Variants in ST3GAL4 observed in about 807,000 individuals in gnomAD.
The protein encoded by ST3GAL4 is CMP-N-acetylneuraminate-beta-galactosamide-alpha-2,3-sialyltransferase 4.
Under a neutral mutation model 42.6 loss-of-function variants are expected in ST3GAL4, and 24 were observed. The observed-to-expected ratio is 0.56, with a 90% CI of 0.41 to 0.79. ST3GAL4 has a LOEUF of 0.79. Ranked by LOEUF, ST3GAL4 falls within the 30% of genes least tolerant of loss-of-function variation. The pLI is 0.00. For missense variants in ST3GAL4, 311 were observed against 430.8 expected (o/e 0.72, Z 2.46); for synonymous variants, 135 against 163.2 (o/e 0.83, Z 1.32).
chr11:126,392,958 T>TTC lies in ST3GAL4; in HGVS notation c.-60-13136_-60-13135dup, dbSNP rs1166309065. On this transcript the variant is annotated intron_variant, in intron 1 of 10. Transcript: ENST00000444328. This position sits in a 1 kb window ranked among gnomAD's most constrained non-coding sequence, Gnocchi z 5.8. ...ACATTTGTAACACGACCAACTCCTG[T>TTC]TCTTTTTTTTTTTTTTTTTTGAGAC... Among the ~76,000 whole-genome samples, 2 of 117,934 alleles carry TTC rather than the reference T, an allele frequency of 1.7e-5. No individual in the cohort carries two copies. Among genetic ancestry groups the TTC allele is most frequent in the African/African-American group, 7.4e-5 (2 of 26,926 alleles). The allele number at this position is 117,934 out of a possible 152,430, so 77.4% of individuals were successfully genotyped here.
intron 1 of ST3GAL4, among the ~76,000 whole-genome samples, chr11:126,362,052 T>C (rs1474035128): frequency 2.0e-5 from 3 of 151,500 alleles, no homozygotes; most frequent in Non-Finnish European, 4.4e-5. Flanking sequence ...TGGCTAATTT[T>C]TGTACTTTTA....
chr11:126,388,447 C>T (rs1302345594), intron 1 of ST3GAL4, among the ~76,000 whole-genome samples: 1 of 152,084 alleles, frequency 6.6e-6, no homozygotes, highest in African/African-American at 2.4e-5. Flanking sequence ...TCTTCTGCCT[C>T]AGCCTCCTAA....
At chr11:126,375,250 A>G (rs4601794) in intron 1 of ST3GAL4, 9,531 of 152,328 alleles carry the variant, frequency 0.063, 394 homozygotes, top group East Asian at 0.2. Context: ...CATACTGCAG[A>G]GCTTCCAGAG....
At chr11:126,385,089 A>G (rs1469835094) in intron 1 of ST3GAL4, among the ~76,000 whole-genome samples, 1 of 151,886 alleles carries the variant, frequency 6.6e-6, no homozygotes, top group African/African-American at 2.4e-5. Context: ...GCTGTTATCC[A>G]CATTTAAAAG....
chr11:126,377,331 C>T (rs926925334), intron 1 of ST3GAL4, among the ~76,000 whole-genome samples: 2 of 151,948 alleles, frequency 1.3e-5, no homozygotes, highest in Non-Finnish European at 2.9e-5. Context: ...CCACCACACC[C>T]AGCTAATTTT....
At position 126,363,717 on chromosome 11, in the gene ST3GAL4, G is replaced by A. The variant is rs1350656929; in HGVS notation, c.-61+7875G>A. Among the ~76,000 whole-genome samples the A allele has an allele frequency of 6.6e-6, 1 of 152,162 alleles. No individual in the cohort carries two copies. Among genetic ancestry groups the A allele is most frequent in the Non-Finnish European group, 1.5e-5 (1 of 68,032 alleles). On this transcript the variant is annotated intron_variant, in intron 1 of 10. Transcript: ENST00000444328. This position sits in a 1 kb window ranked among gnomAD's most constrained non-coding sequence, Gnocchi z 4.6. ...GGCTGACTAAGCTTCCCTAGCCTGG[G>A]ACCTGAACCCTCCACCCTCCTCTCT...
intron 1 of ST3GAL4, among the ~76,000 whole-genome samples, chr11:126,395,719 G>C (rs868051501): frequency 1.3e-5 from 2 of 152,146 alleles, no homozygotes; most frequent in Non-Finnish European, 2.9e-5. Flanking sequence ...CTTCTTTCTT[G>C]CCTGCTGCCA....
At chr11:126,407,770 C>A in intron 6 of ST3GAL4, 136 bp downstream of exon 6, 1 of 988,708 alleles carries the variant, frequency 1.0e-6, no homozygotes, top group Non-Finnish European at 1.5e-6. Context: ...TCATGGTAGC[C>A]TAGCCTGGGC....
In ST3GAL4 at chr11:126,408,480, T is replaced by C; in HGVS notation, c.611T>C (p.Leu204Pro). The change falls in exon 8 of 11, where the codon CTG becomes CCG. Residue 204 changes from leucine to proline, a missense_variant. Leu to Pro is a moderately conservative substitution (Grantham distance 98). Transcript: ENST00000444328. ...GACTTCCACTGGATTGAGACCATCCTGAGTGATAAGAAGCGGGTAAGTTGG... is the reference window on the plus strand; with the variant it reads ...GACTTCCACTGGATTGAGACCATCCCGAGTGATAAGAAGCGGGTAAGTTGG... ...AMDFHWIETI[L>P]SDKKRVRKGF... 6.2e-7 allele frequency: 1 copy of C among 1,614,204 alleles called. No homozygotes were observed. The highest frequency in any genetic ancestry group is 8.5e-7 in the Non-Finnish European group (1 of 1,180,026).
Position 126,362,360 on chromosome 11 carries a change from C to T in ST3GAL4, c.-61+6518C>T, listed in dbSNP as rs560563636. Among the ~76,000 whole-genome samples the T allele has an allele frequency of 3.6e-4, 54 of 151,762 alleles. No individual in the cohort carries two copies. In the Middle Eastern group the frequency reaches 0.01, roughly 29 times the overall value. On this transcript the variant is annotated intron_variant, in intron 1 of 10. Coordinates refer to ENST00000444328, the MANE Select transcript of ST3GAL4 (RefSeq NM_001254757.2). ...GATTATAGGTGCCCACCATCACACC[C>T]GGCTAATTTTTGTATTTTTAGTAGA...
rs1252198725 is a variant in ST3GAL4, at chr11:126,373,120, G to T, written c.-61+17278G>T. The stretch of plus-strand genomic sequence containing the variant: ...TGAGTACTGTGCACCCCTGTGCCTG[G>T]CTGAGTAGTGGAGGAACTTTGAAAG... On this transcript the variant is annotated intron_variant, in intron 1 of 10. Coordinates refer to ENST00000444328, the MANE Select transcript of ST3GAL4 (RefSeq NM_001254757.2). The surrounding 1 kb of genome is among the most constrained non-coding windows in gnomAD (Gnocchi z 5.5). Among the ~76,000 whole-genome samples the T allele has an allele frequency of 6.6e-6, 1 of 152,222 alleles. No individual in the cohort carries two copies. Among genetic ancestry groups the T allele is most frequent in the East Asian group, 1.9e-4 (1 of 5,204 alleles).
At chr11:126,362,193 CT>C (rs763280766) in intron 1 of ST3GAL4, among the ~76,000 whole-genome samples, 2,125 of 119,054 alleles carry the variant, frequency 0.018, 54 homozygotes, top group African/African-American at 0.061. Flanking sequence ...ACATTTCTTC[CT>C]TTTTTTTTTT....
chr11:126,406,706 T>G lies in ST3GAL4; in HGVS notation c.101+149T>G. ...CCTTCAGCTGCTGGTACGGAGTGTT[T>G]CCATGAGGGTGGGTGGGGGTAGGGC... On this transcript the variant is annotated intron_variant, in intron 3 of 10. Transcript: ENST00000444328. This position sits in a 1 kb window ranked among gnomAD's most constrained non-coding sequence, Gnocchi z 5.4. 2.2e-6 allele frequency: 1 copy of G among 465,012 alleles called. No homozygotes were observed. Among genetic ancestry groups the G allele is most frequent in the Non-Finnish European group, 3.9e-6 (1 of 255,882 alleles). 28.8% of individuals were successfully genotyped at this position (465,012 alleles called of 1,614,324 possible). A position where few individuals can be genotyped will look rare whatever the true frequency, so the allele number is the denominator to read the frequency against.
intron 1 of ST3GAL4, among the ~76,000 whole-genome samples, chr11:126,402,081 A>G (rs1397453683): frequency 5.3e-5 from 4 of 75,330 alleles, no homozygotes; most frequent in Admixed American, 1.4e-4. Flanking sequence ...AGGTGGAAGG[A>G]TTTGGGGGAA....
intron 1 of ST3GAL4, among the ~76,000 whole-genome samples, chr11:126,360,827 A>G (rs1952219011): frequency 6.6e-6 from 1 of 152,252 alleles, no homozygotes; most frequent in Non-Finnish European, 1.5e-5. Flanking sequence ...ATGGAAATGC[A>G]GCTCAGGTAT....
At chr11:126,382,034 G>A (rs1953024792) in intron 1 of ST3GAL4, among the ~76,000 whole-genome samples, 1 of 152,112 alleles carries the variant, frequency 6.6e-6, no homozygotes, top group Non-Finnish European at 1.5e-5. Flanking sequence ...CAGAGGGCCT[G>A]TGGCCCTGAT....
intron 1 of ST3GAL4, among the ~76,000 whole-genome samples, chr11:126,395,052 T>C (rs1463312981): frequency 1.3e-5 from 2 of 152,072 alleles, no homozygotes; most frequent in Admixed American, 1.3e-4. Flanking sequence ...TGCCCAGGCG[T>C]GCTGTGATCA....
intron 1 of ST3GAL4, among the ~76,000 whole-genome samples, chr11:126,362,225 TCTCA>T: frequency 1.5e-5 from 2 of 133,768 alleles, no homozygotes; most frequent in Admixed American, 1.6e-4. Context: ...TAAGACGGAG[TCTCA>T]CTCTGTTGCC....
chr11:126,413,487 C>G lies in ST3GAL4; in HGVS notation c.772-18C>G. The G allele has an allele frequency of 6.2e-7, 1 of 1,613,240 alleles. No homozygotes were observed. Among genetic ancestry groups the G allele is most frequent in the Non-Finnish European group, 8.5e-7 (1 of 1,179,794 alleles). ...GGAGCAGGGCTCCCACTAACACCCT[C>G]CTGCCCCTGTTCCTCAGAAGCCCAC... On this transcript the variant is annotated intron_variant, in intron 9 of 10. Coordinates refer to ENST00000444328, the MANE Select transcript of ST3GAL4 (RefSeq NM_001254757.2).
Sources: allele counts gnomAD v4.1 joint callset (sites outside exome capture counted in the v4.1 genomes callset), GRCh38; gene constraint gnomAD v4.1.1; non-coding constraint Gnocchi (gnomAD v3.1); transcripts MANE v1.5; gene names NCBI Gene and HGNC (gene_info 2026-07-23, HGNC 2026-07-21).